Variants in LDAH observed in about 807,000 individuals in gnomAD.
LDAH encodes the protein lipid droplet associated hydrolase.
A neutral mutation model predicts 29.6 loss-of-function variants in LDAH; 26 were observed. The ratio of observed to expected loss-of-function variants is 0.88; its 90% CI spans 0.64 to 1.22. The LOEUF (loss-of-function observed/expected upper bound fraction) is 1.22, where lower values mean the gene tolerates loss of function less well. Among genes scored for constraint, LDAH ranks in the 50% most tolerant of loss-of-function variants. LDAH has a pLI of 0.00. For synonymous variants in LDAH, 117 were observed against 133.0 expected, an observed-to-expected ratio of 0.88 and a Z score of 0.83; for missense variants, 344 against 387.3, an observed-to-expected ratio of 0.89 and a Z score of 0.94.
At chr2:20,688,247 G>A (rs1003219185) in intron 6 of LDAH, among the ~76,000 whole-genome samples, 2 of 152,182 alleles carry the variant, frequency 1.3e-5, no homozygotes, top group Non-Finnish European at 2.9e-5. Context: ...CCTCAGTTGA[G>A]TCTTCAAGCT....
chr2:20,768,544 G>A (rs1052592068), intron 4 of LDAH, among the ~76,000 whole-genome samples: 2 of 152,082 alleles, frequency 1.3e-5, no homozygotes, highest in Admixed American at 6.5e-5. Flanking sequence ...ATCACTCCAC[G>A]CCTGACTCTA....
At chr2:20,687,163 A>G in intron 6 of LDAH, 69 bp from the exon 7 acceptor site, 1 of 1,337,604 alleles carries the variant, frequency 7.5e-7, no homozygotes, top group Non-Finnish European at 1.0e-6. Context: ...TGACACCAGC[A>G]GCCGGCAGTG....
chr2:20,683,004 CTAGGACTAGGGGCAACCTCA>C (rs554106897), downstream of LDAH, among the ~76,000 whole-genome samples: 204 of 152,340 alleles, frequency 1.3e-3, 1 homozygote, highest in African/African-American at 3.6e-3. Context: ...ACCTGCCCTT[CTAGGACTAGGGGCAACCTCA>C]TCCTCTTCTC....
At position 20,712,744 on chromosome 2, in the gene LDAH, C is replaced by G. The variant is rs1031298999; in HGVS notation, c.704-11092G>C. Reference sequence around the variant, plus strand: ...GCACAAGAACTACGTGATGCCTGCACAAGCTTCAATAGCCGATTTGGTCAA... The same window carrying G: ...GCACAAGAACTACGTGATGCCTGCAGAAGCTTCAATAGCCGATTTGGTCAA... On this transcript the variant is annotated intron_variant, in intron 5 of 6. Transcript: ENST00000237822. Among the ~76,000 whole-genome samples the G allele has an allele frequency of 2.0e-5, 3 of 152,090 alleles. No individual in the cohort carries two copies. In the South Asian group the frequency reaches 6.2e-4, roughly 32 times the overall value.
At chr2:20,802,730 C>T (rs887048586) in intron 1 of LDAH, among the ~76,000 whole-genome samples, 1 of 152,212 alleles carries the variant, frequency 6.6e-6, no homozygotes, top group Non-Finnish European at 1.5e-5. Flanking sequence ...TTTTCTGCTT[C>T]TATAACTTTG....
In LDAH at chr2:20,815,799, G is replaced by T. The variant is rs115603523; in HGVS notation, c.-3+7238C>A. Reference sequence around the variant, plus strand: ...AAAGTTCCTCAAACAAAAAGGAAATGATGTATCAATAAGGTTTAATTTGAG... The same window carrying T: ...AAAGTTCCTCAAACAAAAAGGAAATTATGTATCAATAAGGTTTAATTTGAG... On this transcript the variant is annotated intron_variant, in intron 1 of 6. Transcript: ENST00000237822. Among the ~76,000 whole-genome samples, 255 of 152,142 alleles carry T rather than the reference G, an allele frequency of 1.7e-3. 1 individual carries two copies. Among genetic ancestry groups the T allele is most frequent in the African/African-American group, 5.8e-3 (239 of 41,530 alleles).
At chr2:20,713,867 C>G (rs1664960154) in intron 5 of LDAH, among the ~76,000 whole-genome samples, 1 of 152,120 alleles carries the variant, frequency 6.6e-6, no homozygotes, top group Non-Finnish European at 1.5e-5. Context: ...ACAGGAGCAC[C>G]TAGATTCATA....
chr2:20,780,438 A>C (rs1670116184), intron 3 of LDAH, among the ~76,000 whole-genome samples: 1 of 152,112 alleles, frequency 6.6e-6, no homozygotes. Context: ...AAAGTGTGTT[A>C]CTTTTTATTG....
chr2:20,693,637 A>G (rs1663201805), intron 6 of LDAH, among the ~76,000 whole-genome samples: 1 of 152,346 alleles, frequency 6.6e-6, no homozygotes, highest in South Asian at 2.1e-4. Flanking sequence ...TTCCTCATAA[A>G]GGAGACCTGG....
At chr2:20,688,685 A>C (rs1662751208) in intron 6 of LDAH, among the ~76,000 whole-genome samples, 1 of 152,212 alleles carries the variant, frequency 6.6e-6, no homozygotes, top group Admixed American at 6.5e-5. Flanking sequence ...CATTACAATA[A>C]CATGATGCCT....
At chr2:20,797,876 T>C (rs1443571804) in intron 2 of LDAH, among the ~76,000 whole-genome samples, 1 of 152,132 alleles carries the variant, frequency 6.6e-6, no homozygotes, top group African/African-American at 2.4e-5. Context: ...AGTTTCTGGC[T>C]TAAAAGGGCC....
At chr2:20,701,882 T>C (rs766524316) in intron 5 of LDAH, among the ~76,000 whole-genome samples, 4 of 152,188 alleles carry the variant, frequency 2.6e-5, no homozygotes, top group Admixed American at 6.5e-5. Context: ...GGCTTCTCCA[T>C]AGCAAAAGTT....
In LDAH at chr2:20,740,026, T is replaced by C. The variant is rs184094828; in HGVS notation, c.648A>G (p.Val216=). Residue 216 remains valine (V), a synonymous_variant, in exon 5 of 7, where the codon GTA becomes GTG. Transcript: ENST00000237822. ...KSLLIRRGLQ[V]MNLENEFSPL... ...GTGAAAATTCATTCTCTAGGTTCAT[T>C]ACTTGAAGGCCCCTTCTGATTAGCA... 3.5e-5 allele frequency: 56 copies of C among 1,614,156 alleles called. No homozygotes were observed. The East Asian group carries it at 4.7e-4, about 13-fold the overall frequency.
At chr2:20,692,023 T>C (rs113749188) in intron 6 of LDAH, among the ~76,000 whole-genome samples, 1 of 152,152 alleles carries the variant, frequency 6.6e-6, no homozygotes, top group Admixed American at 6.5e-5. Context: ...CCCCACTTTT[T>C]GGGGGGTCTA....
intron 5 of LDAH, among the ~76,000 whole-genome samples, chr2:20,737,009 A>G (rs1168576734): frequency 1.3e-5 from 2 of 152,176 alleles, no homozygotes; most frequent in African/African-American, 2.4e-5. Context: ...CAAAGTAGGG[A>G]GAAGACTATT....
At chr2:20,765,275 G>C (rs1668951035) in intron 4 of LDAH, among the ~76,000 whole-genome samples, 1 of 152,116 alleles carries the variant, frequency 6.6e-6, no homozygotes, top group Non-Finnish European at 1.5e-5. Context: ...AGGAAAAAAA[G>C]TTCCCTTGAC....
intron 3 of LDAH, among the ~76,000 whole-genome samples, chr2:20,780,043 T>C (rs972690568): frequency 6.6e-6 from 1 of 152,154 alleles, no homozygotes; most frequent in Non-Finnish European, 1.5e-5. Context: ...TAGGCTGAAG[T>C]GGGAGTACAC....
At chr2:20,765,065 C>T (rs75049340) in intron 4 of LDAH, among the ~76,000 whole-genome samples, 6 of 152,240 alleles carry the variant, frequency 3.9e-5, no homozygotes, top group Admixed American at 3.9e-4. Context: ...TCCCCCTACA[C>T]CCCAGGGAAG....
intron 4 of LDAH, among the ~76,000 whole-genome samples, chr2:20,767,256 C>A (rs1558458818): frequency 6.6e-6 from 1 of 152,220 alleles, no homozygotes; most frequent in Admixed American, 6.5e-5. Flanking sequence ...AGGCTGTGGA[C>A]CCAGGCCTCT....
Sources: gnomAD v4.1 joint callset for allele counts (sites outside exome capture counted in the v4.1 genomes callset) on GRCh38, gnomAD v4.1.1 for gene constraint, MANE v1.5 for transcripts, NCBI Gene and HGNC (gene_info 2026-07-23, HGNC 2026-07-21) for gene names.